The following RBFOX1 variants were observed in gnomAD, a reference collection of about 807,000 sequenced individuals.
The protein encoded by RBFOX1 is RNA binding fox-1 homolog 1, also known as RNA binding protein fox-1 homolog 1.
Under a neutral mutation model 57.7 loss-of-function variants are expected in RBFOX1, and 8 were observed. The ratio of observed to expected loss-of-function variants is 0.14; its 90% CI spans 0.08 to 0.25. The LOEUF is 0.25. Among genes scored for constraint, RBFOX1 ranks in the 10% least tolerant of loss-of-function variants. The pLI, the probability that RBFOX1 is intolerant of heterozygous loss-of-function variation, is 1.00. For missense variants in RBFOX1, 611 were observed against 548.5 expected (o/e 1.11, Z -1.14); for synonymous variants, 326 against 222.4 (o/e 1.47, Z -4.15).
intron 4 of RBFOX1, among the ~76,000 whole-genome samples, chr16:7,265,958 G>GTTTTGTTTTTTTTTTTTTTTTTT (rs1567956407): frequency 1.9e-5 from 2 of 107,604 alleles, no homozygotes; most frequent in Non-Finnish European, 1.7e-5. Flanking sequence ...GATCTGGTGG[G>GTTTTGTTTTTTTTTTTTTTTTTT]TTTTTGTTTT....
intron 3 of RBFOX1, among the ~76,000 whole-genome samples, chr16:6,947,724 G>C (rs958123888): frequency 6.6e-6 from 1 of 152,126 alleles, no homozygotes; most frequent in East Asian, 1.9e-4. Context: ...ATTTATAAAC[G>C]TTTACTTAGG....
At chr16:7,216,868 C>G (rs867193026) in intron 4 of RBFOX1, among the ~76,000 whole-genome samples, 4 of 152,098 alleles carry the variant, frequency 2.6e-5, no homozygotes, top group African/African-American at 9.7e-5. Flanking sequence ...TTTATTCATT[C>G]TTTTCAATCA....
intron 2 of RBFOX1, among the ~76,000 whole-genome samples, chr16:5,563,160 G>T (rs2045946992): frequency 6.6e-6 from 1 of 152,152 alleles, no homozygotes; most frequent in Non-Finnish European, 1.5e-5. Context: ...TGTTGGTCAG[G>T]CTGGTCTTGA....
chr16:7,317,021 G>C (rs888502915), intron 4 of RBFOX1, among the ~76,000 whole-genome samples: 8 of 149,934 alleles, frequency 5.3e-5, no homozygotes, highest in Admixed American at 5.3e-4. Flanking sequence ...GTTTAGGCAG[G>C]AGTTAAATGA....
At chr16:7,242,918 A>T (rs2094136010) in intron 4 of RBFOX1, among the ~76,000 whole-genome samples, 1 of 152,140 alleles carries the variant, frequency 6.6e-6, no homozygotes, top group Non-Finnish European at 1.5e-5. Context: ...CATCCTGCAT[A>T]TGGGGCTGTG....
chr16:6,964,464 T>C (rs1598534447), intron 3 of RBFOX1, among the ~76,000 whole-genome samples: 2 of 152,244 alleles, frequency 1.3e-5, no homozygotes, highest in African/African-American at 4.8e-5. Context: ...GTGATTGTGA[T>C]GTGTCAGTGT....
chr16:5,357,728 A>G, intron 1 of RBFOX1, among the ~76,000 whole-genome samples: 1 of 152,176 alleles, frequency 6.6e-6, no homozygotes, highest in East Asian at 1.9e-4. Context: ...ATCCGTCAGG[A>G]GAGGACACAA....
At chr16:5,680,893 TTG>T (rs34949358) in intron 3 of RBFOX1, among the ~76,000 whole-genome samples, 36,578 of 149,948 alleles carry the variant, frequency 0.24, 4,927 homozygotes, top group East Asian at 0.56. Flanking sequence ...GAGCTTGTAT[TTG>T]TGTGTGTGTG....
chr16:7,424,631 CAAGGTACAT>C (rs1445084900), intron 4 of RBFOX1, among the ~76,000 whole-genome samples: 1 of 152,158 alleles, frequency 6.6e-6, no homozygotes, highest in Non-Finnish European at 1.5e-5. Context: ...TAGCTGTTCA[CAAGGTACAT>C]AATGCATTTA....
intron 4 of RBFOX1, among the ~76,000 whole-genome samples, chr16:5,910,133 G>T (rs1250527310): frequency 6.6e-6 from 1 of 152,048 alleles, no homozygotes; most frequent in Non-Finnish European, 1.5e-5. Flanking sequence ...CCTGCTCAGA[G>T]GCAACTTGAT....
chr16:5,285,265 T>C (rs2063364727), intron 1 of RBFOX1, among the ~76,000 whole-genome samples: 1 of 152,216 alleles, frequency 6.6e-6, no homozygotes, highest in African/African-American at 2.4e-5. Context: ...CTTTTGTATT[T>C]CTTTCAACGA....
At chr16:5,960,462 C>G (rs1261544601) in intron 4 of RBFOX1, among the ~76,000 whole-genome samples, 1 of 152,152 alleles carries the variant, frequency 6.6e-6, no homozygotes. Context: ...TACGTGAAAA[C>G]AGCAAATATG....
At chr16:7,056,521 C>T (rs766912195) in intron 4 of RBFOX1, among the ~76,000 whole-genome samples, 32 of 152,270 alleles carry the variant, frequency 2.1e-4, no homozygotes, top group Non-Finnish European at 3.4e-4. Context: ...ATCCAATTAT[C>T]AACATTTACC....
intron 3 of RBFOX1, among the ~76,000 whole-genome samples, chr16:7,005,486 C>T (rs1596685726): frequency 6.6e-6 from 1 of 152,072 alleles, no homozygotes; most frequent in South Asian, 2.1e-4. Flanking sequence ...GGAGAAGGAA[C>T]CCAGTAATGG....
At chr16:7,072,077 C>A (rs77529181) in intron 4 of RBFOX1, among the ~76,000 whole-genome samples, 1 of 152,148 alleles carries the variant, frequency 6.6e-6, no homozygotes, top group Non-Finnish European at 1.5e-5. Context: ...CTTTCTGACC[C>A]GTTCTCTAGT....
At chr16:7,228,922 A>G (rs1227084171) in intron 4 of RBFOX1, among the ~76,000 whole-genome samples, 1 of 152,178 alleles carries the variant, frequency 6.6e-6, no homozygotes, top group African/African-American at 2.4e-5. Context: ...AGATGGATGC[A>G]TTGGGGTAGA....
intron 4 of RBFOX1, among the ~76,000 whole-genome samples, chr16:7,251,608 C>T (rs551202828): frequency 2.0e-5 from 3 of 152,008 alleles, no homozygotes; most frequent in East Asian, 1.9e-4. Context: ...TTAGTGGAGA[C>T]GAAGTTTCAC....
intron 2 of RBFOX1, among the ~76,000 whole-genome samples, chr16:6,395,869 C>T (rs1019688330): frequency 6.6e-6 from 1 of 151,902 alleles, no homozygotes; most frequent in South Asian, 2.1e-4. Context: ...AGTTCATGAG[C>T]AGCCTGGGCA....
chr16:6,569,525 C>G (rs917511943), intron 2 of RBFOX1, among the ~76,000 whole-genome samples: 2 of 152,172 alleles, frequency 1.3e-5, no homozygotes, highest in African/African-American at 2.4e-5. Context: ...CTAGACAGAC[C>G]TCTGAGACGA....
Sources: allele counts gnomAD v4.1 joint callset (sites outside exome capture counted in the v4.1 genomes callset), GRCh38; gene constraint gnomAD v4.1.1; transcripts MANE v1.5; gene names NCBI Gene and HGNC (gene_info 2026-07-23, HGNC 2026-07-21).